The following RTEL1 variants were observed in gnomAD, a reference collection of about 807,000 sequenced individuals.
RTEL1 encodes regulator of telomere elongation helicase 1.
A neutral mutation model predicts 162.2 loss-of-function variants in RTEL1; 86 were observed. That is an observed-to-expected ratio of 0.53 (90% CI 0.45 to 0.63). The LOEUF (loss-of-function observed/expected upper bound fraction) is 0.63, where lower values mean the gene tolerates loss of function less well. Among genes scored for constraint, RTEL1 ranks in the 30% least tolerant of loss-of-function variants. The pLI is 0.00. For missense variants in RTEL1, 1,941 were observed against 1,750.2 expected, an observed-to-expected ratio of 1.11 and a Z score of -1.95; for synonymous variants, 958 against 717.9, an observed-to-expected ratio of 1.33 and a Z score of -5.35.
At position 63,661,628 on chromosome 20, in the gene RTEL1, C is replaced by A; in HGVS notation, c.301+132C>A. The A allele has an allele frequency of 2.8e-6, 3 of 1,058,070 alleles. No homozygotes were observed. The highest frequency in any genetic ancestry group is 4.1e-6 in the Non-Finnish European group (3 of 740,342). 65.5% of individuals were successfully genotyped at this position (1,058,070 alleles called of 1,614,324 possible). The stretch of plus-strand genomic sequence containing the variant: ...GAACTCAAGGAGAATTTTTTAGCTG[C>A]TGTATAATTTCTCGCCATCGTGGGT... On this transcript the variant is annotated intron_variant, in intron 3 of 34. Coordinates refer to ENST00000360203, the MANE Select transcript of RTEL1 (RefSeq NM_001283009.2). This position sits in a 1 kb window ranked among gnomAD's most constrained non-coding sequence, Gnocchi z 5.1.
At position 63,667,503 on chromosome 20, in the gene RTEL1, C is replaced by T. The variant is rs780546933; in HGVS notation, c.649C>T (p.Gln217Ter). The T allele has an allele frequency of 4.3e-6, 7 of 1,614,014 alleles. No individual in the cohort carries two copies. The highest frequency in any genetic ancestry group is 3.4e-6 in the Non-Finnish European group (4 of 1,179,920). The stretch of plus-strand genomic sequence containing the variant: ...TTACTACCTGTCCCGGAACCTGAAG[C>T]AGCAAGCCGACATCATATTCATGCC... ...CPYYLSRNLK[Q>*]QADIIFMPYN... is the part of the protein sequence containing the mutation. The change falls in exon 8 of 35, where the codon CAG becomes TAG. Residue 217 changes from glutamine to a stop codon, truncating the protein, a stop_gained. Transcript: ENST00000360203. LOFTEE classifies it high-confidence loss of function.
chr20:63,688,997 G>A, intron 21 of RTEL1, 58 bp from the exon 22 acceptor site: 1 of 1,464,454 alleles, frequency 6.8e-7, no homozygotes, highest in East Asian at 2.3e-5. Flanking sequence ...TCTCCCTCAT[G>A]GGGGAGGAAG....
Position 63,694,983 on chromosome 20 carries a change from C to G in RTEL1, c.3343+9C>G. 1.2e-6 allele frequency: 2 copies of G among 1,611,786 alleles called. No homozygotes were observed. The highest frequency in any genetic ancestry group is 1.7e-6 in the Non-Finnish European group (2 of 1,179,356). Reference sequence around the variant, plus strand: ...CTTCCCCCTGCTGCACAGCAAGTGGCCCTGGCGTGGGGAACAGCCGGTGGG... The same window carrying G: ...CTTCCCCCTGCTGCACAGCAAGTGGGCCTGGCGTGGGGAACAGCCGGTGGG... On this transcript the variant is annotated intron_variant, in intron 32 of 34. Transcript: ENST00000360203.
At chr20:63,665,409 C>G (rs1207679248) in intron 6 of RTEL1, 3 of 152,936 alleles carry the variant, frequency 2.0e-5, no homozygotes, top group Non-Finnish European at 4.4e-5. Flanking sequence ...CCCCCAGACT[C>G]TGACTTCTGA....
At position 63,695,486 on chromosome 20, in the gene RTEL1, C is replaced by T. The variant is rs760695241; in HGVS notation, c.3658C>T (p.Pro1220Ser). ...GCCTGCAGCATCTGAGTGGGGTGAG[C>T]CTCATGGGAGAGACATCGCTGGGCA... is the stretch of plus-strand genomic sequence containing the variant. ...HGPAASEWGEPHGRDIAGQQA... is the reference protein window; with the variant it reads ...HGPAASEWGESHGRDIAGQQA... The change falls in exon 34 of 35, where the codon CCT becomes TCT. Residue 1220 changes from proline to serine, a missense_variant. Coordinates refer to ENST00000360203, the MANE Select transcript of RTEL1 (RefSeq NM_001283009.2). 3.7e-6 allele frequency: 6 copies of T among 1,608,502 alleles called. No individual in the cohort carries two copies. The African/African-American group carries it at 5.3e-5, about 14-fold the overall frequency.
At chr20:63,665,845 C>T (rs1187334545) in intron 6 of RTEL1, among the ~76,000 whole-genome samples, 159 bp from the exon 7 acceptor site, 1 of 152,198 alleles carries the variant, frequency 6.6e-6, no homozygotes, top group Non-Finnish European at 1.5e-5. Context: ...TCTTGGGCAC[C>T]TGAGACCCTC....
chr20:63,694,580 C>CA, intron 31 of RTEL1, 92 bp downstream of exon 31: 1 of 1,285,334 alleles, frequency 7.8e-7, no homozygotes, highest in Non-Finnish European at 1.1e-6. Flanking sequence ...CGGGGCTGCC[C>CA]CTGTGGGGAG....
rs1177086266 is a variant in RTEL1, at chr20:63,690,797, C to T, written c.2414-8C>T. ...TGGGCTTCACTGCGCACTCGGGTGC[C>T]CCTGCAGGGTCACCAGCTGCCGGGG... is the stretch of plus-strand genomic sequence containing the variant. On this transcript the variant is annotated splice_polypyrimidine_tract_variant and splice_region_variant and intron_variant, in intron 26 of 34. Coordinates refer to ENST00000360203, the MANE Select transcript of RTEL1 (RefSeq NM_001283009.2). The T allele has an allele frequency of 1.9e-6, 3 of 1,600,122 alleles. No homozygotes were observed. Among genetic ancestry groups the T allele is most frequent in the Non-Finnish European group, 2.6e-6 (3 of 1,175,264 alleles).
chr20:63,666,155 A>G (rs1332985087), intron 7 of RTEL1, 76 bp downstream of exon 7: 3 of 1,132,526 alleles, frequency 2.6e-6, no homozygotes, highest in African/African-American at 1.6e-5. Context: ...AGGCCCGGAT[A>G]TATTTCTTCA....
intron 8 of RTEL1, among the ~76,000 whole-genome samples, chr20:63,669,390 C>T (rs1422172198): frequency 1.3e-5 from 2 of 152,190 alleles, no homozygotes; most frequent in Non-Finnish European, 2.9e-5. Context: ...AGTATGGATA[C>T]ACAAGGCACT....
Position 63,661,191 on chromosome 20 carries a change from C to T in RTEL1, c.103-107C>T. On this transcript the variant is annotated intron_variant, in intron 2 of 34. Transcript: ENST00000360203. The surrounding 1 kb of genome is among the most constrained non-coding windows in gnomAD (Gnocchi z 5.1). ...TCTCGCCACCTGGCAGTGGCCTCTG[C>T]ATCTGCAAAGAGCTGCCCGCTGGCT... 1 of 1,005,464 alleles carries T rather than the reference C, an allele frequency of 9.9e-7. No homozygotes were observed. The highest frequency in any genetic ancestry group is 1.5e-5 in the South Asian group (1 of 66,658). 62.3% of individuals were successfully genotyped at this position (1,005,464 alleles called of 1,614,324 possible). A position where few individuals can be genotyped will look rare whatever the true frequency, so the allele number is the denominator to read the frequency against.
At chr20:63,693,318 TG>T (rs2090813664) in intron 30 of RTEL1, 35 bp downstream of exon 30, 1 of 1,609,246 alleles carries the variant, frequency 6.2e-7, no homozygotes, top group East Asian at 2.2e-5. Context: ...CTCAGACTCC[TG>T]CGTGGAAGGC....
At chr20:63,664,000 T>C (rs1346757803) in intron 6 of RTEL1, among the ~76,000 whole-genome samples, 1 of 152,196 alleles carries the variant, frequency 6.6e-6, no homozygotes, top group African/African-American at 2.4e-5. Context: ...AGGCATGTGC[T>C]GTGTTGCTGG....
chr20:63,659,786 G>GA (rs1247835827), intron 2 of RTEL1, among the ~76,000 whole-genome samples: 5 of 146,040 alleles, frequency 3.4e-5, no homozygotes, highest in Non-Finnish European at 7.5e-5. Flanking sequence ...AGTATAGAGA[G>GA]AAAAGTGGGC....
chr20:63,678,783 TCTCCCACGGAACAGCACACACA>T (rs2090422475), intron 12 of RTEL1, among the ~76,000 whole-genome samples: 2 of 62,446 alleles, frequency 3.2e-5, no homozygotes, highest in Non-Finnish European at 6.4e-5. Flanking sequence ...AACAGCACAC[TCTCCCACGGAACAGCACACACA>T]CTCCCACGGA....
At chr20:63,658,174 G>A (rs2089946853), upstream of RTEL1, 1 of 152,344 alleles carries the variant, frequency 6.6e-6, no homozygotes, top group Admixed American at 6.5e-5. Flanking sequence ...TGGAAGTGAG[G>A]TTCACTGGCC....
intron 8 of RTEL1, among the ~76,000 whole-genome samples, chr20:63,670,368 A>G (rs8113864): frequency 0.023 from 2,453 of 107,072 alleles, 301 homozygotes; most frequent in African/African-American, 0.11. Context: ...CTGGGAGAGC[A>G]TCCGGACAGA....
At chr20:63,688,204 G>A (rs774993852) in intron 19 of RTEL1, 25 bp downstream of exon 19, 2 of 1,611,154 alleles carry the variant, frequency 1.2e-6, no homozygotes, top group Middle Eastern at 1.6e-4. Context: ...TGCCCCAGCT[G>A]TGCCCATCCT....
chr20:63,692,430 G>C, intron 28 of RTEL1: 1 of 326,306 alleles, frequency 3.1e-6, no homozygotes, highest in Non-Finnish European at 5.9e-6. Flanking sequence ...TGCTCATCCG[G>C]AAGCCCCTCC....
Sources: gnomAD v4.1 joint callset for allele counts (sites outside exome capture counted in the v4.1 genomes callset) on GRCh38, gnomAD v4.1.1 for gene constraint, Gnocchi (gnomAD v3.1) non-coding constraint, MANE v1.5 for transcripts, NCBI Gene and HGNC (gene_info 2026-07-23, HGNC 2026-07-21) for gene names.